Variants in HAAO observed in about 807,000 individuals in gnomAD.
HAAO encodes the protein 3-hydroxyanthranilate oxygenase.
HAAO carries 49 observed loss-of-function variants against 46.2 expected under a neutral mutation model. The ratio of observed to expected loss-of-function variants is 1.06; its 90% CI spans 0.84 to 1.34. The LOEUF is 1.34. Among genes scored for constraint, HAAO ranks in the 40% most tolerant of loss-of-function variants. The pLI, the probability that HAAO is intolerant of heterozygous loss-of-function variation, is 0.00. For missense variants in HAAO, 408 were observed against 364.5 expected (o/e 1.12, Z -0.97); for synonymous variants, 157 against 145.2 (o/e 1.08, Z -0.58).
At chr2:42,767,969 C>A in intron 7 of HAAO, 41 bp from the exon 8 acceptor site, 1 of 1,571,036 alleles carries the variant, frequency 6.4e-7, no homozygotes, top group Non-Finnish European at 8.8e-7. Context: ...GCTTCTTGCC[C>A]CACATGGGAG....
At chr2:42,782,490 A>G (rs1286245850) in intron 4 of HAAO, among the ~76,000 whole-genome samples, 2 of 152,230 alleles carry the variant, frequency 1.3e-5, no homozygotes, top group Admixed American at 6.5e-5. Flanking sequence ...GAGACATCAG[A>G]CAAAACCTGG....
chr2:42,770,190 C>T lies in HAAO; in HGVS notation c.441-4G>A, dbSNP rs1173634453. Reference sequence around the variant, plus strand: ...GTACTGCTCAGAGCTGAAGAACCTGCAAGGACGAACAGGGAGGAGCAGGAG... The same window carrying T: ...GTACTGCTCAGAGCTGAAGAACCTGTAAGGACGAACAGGGAGGAGCAGGAG... On this transcript the variant is annotated splice_polypyrimidine_tract_variant and splice_region_variant and intron_variant, in intron 5 of 9. Transcript: ENST00000294973. 10 of 1,595,460 alleles carry T rather than the reference C, an allele frequency of 6.3e-6. No homozygotes were observed. The highest frequency in any genetic ancestry group is 8.5e-6 in the Non-Finnish European group (10 of 1,169,632).
chr2:42,769,777 C>T lies in HAAO; in HGVS notation c.566G>A (p.Ser189Asn). Residue 189 changes from serine (S) to asparagine (N), a missense_variant, in exon 7 of 10, where the codon AGC (serine) becomes AAC (asparagine). Ser to Asn is a conservative substitution (Grantham distance 46). Transcript: ENST00000294973. ...GCCTGCCTGCAGCTCCCTGTGGTGG[C>T]TGTCCAGCCAGGCATCCAGGGACAT... ...EPMSLDAWLD[S>N]HHRELQAGTP... 6.2e-7 allele frequency: 1 copy of T among 1,614,018 alleles called. No individual in the cohort carries two copies. The highest frequency in any genetic ancestry group is 8.5e-7 in the Non-Finnish European group (1 of 1,179,974).
At chr2:42,777,767 G>A (rs937297804) in intron 4 of HAAO, among the ~76,000 whole-genome samples, 27 of 151,358 alleles carry the variant, frequency 1.8e-4, no homozygotes, top group African/African-American at 6.6e-4. Context: ...TCATTATTTG[G>A]GTACTTTCCA....
rs185959909 is a variant in HAAO at position 42,789,129 on chromosome 2, T to A, written c.81-522A>T. On this transcript the variant is annotated intron_variant, in intron 1 of 9. Coordinates refer to ENST00000294973, the MANE Select transcript of HAAO (RefSeq NM_012205.3). ...GGTGTCAAGTCAGTGTGGCATGTGT[T>A]TATAAGCACAGGCCCTGGGGCATGT... is the stretch of plus-strand genomic sequence containing the variant. 3.4e-5 allele frequency: 6 copies of A among 176,158 alleles called. No homozygotes were observed. In the East Asian group the frequency reaches 8.2e-4, roughly 24 times the overall value. 10.9% of individuals were successfully genotyped at this position (176,158 alleles called of 1,614,324 possible).
At chr2:42,775,993 T>C (rs190996487) in intron 4 of HAAO, among the ~76,000 whole-genome samples, 1 of 151,846 alleles carries the variant, frequency 6.6e-6, no homozygotes, top group African/African-American at 2.4e-5. Context: ...GAGTGTGGTT[T>C]AGATACTTAG....
rs1672177423 is a variant in HAAO, at chr2:42,783,703, C to T, written c.243+81G>A. On this transcript the variant is annotated intron_variant, in intron 3 of 9. Coordinates refer to ENST00000294973, the MANE Select transcript of HAAO (RefSeq NM_012205.3). ...AAAGGTAGGGAGGACAAGACCTCAG[C>T]CAGGGCCAGGATGAGTGGACAGGGC... The T allele has an allele frequency of 1.6e-6, 2 of 1,242,124 alleles. 1 individual carries two copies. Among genetic ancestry groups the T allele is most frequent in the Non-Finnish European group, 2.3e-6 (2 of 864,100 alleles). The allele number at this position is 1,242,124 out of a possible 1,614,324, so 76.9% of individuals were successfully genotyped here.
At chr2:42,783,460 C>G (rs1672159408) in intron 3 of HAAO, 40 bp from the exon 4 acceptor site, 1 of 1,307,808 alleles carries the variant, frequency 7.6e-7, no homozygotes, top group African/African-American at 1.5e-5. Flanking sequence ...AGGCTGCAAT[C>G]CCTCATGGAG....
chr2:42,791,066 G>A (rs1487600028), intron 1 of HAAO, among the ~76,000 whole-genome samples: 7 of 152,060 alleles, frequency 4.6e-5, no homozygotes, highest in Non-Finnish European at 8.8e-5. Flanking sequence ...AAGTCCTAAC[G>A]CCCAGTACTG....
intron 2 of HAAO, among the ~76,000 whole-genome samples, chr2:42,787,591 T>C (rs1397991857): frequency 6.6e-6 from 1 of 152,162 alleles, no homozygotes; most frequent in African/African-American, 2.4e-5. Context: ...CCACACAGCC[T>C]TGGGTGTCCC....
In HAAO at chr2:42,770,176, A is replaced by G. The variant is rs372925453; in HGVS notation, c.451T>C (p.Ser151Pro). Residue 151 changes from serine to proline, a missense_variant, in exon 6 of 10, where the codon TCT (serine) becomes CCT (proline). By Grantham distance (74) the Ser-to-Pro change is moderately conservative (BLOSUM62 -1). Transcript: ENST00000294973. ...GGCTTTCCTGTTCTGTACTGCTCAG[A>G]GCTGAAGAACCTGCAAGGACGAACA... ...LAPIIQEFFS[S>P]EQYRTGKPIP... The G allele has an allele frequency of 1.6e-5, 26 of 1,601,048 alleles. No individual in the cohort carries two copies. Among genetic ancestry groups the G allele is most frequent in the Non-Finnish European group, 2.1e-5 (25 of 1,172,728 alleles).
rs146866190 is a variant in HAAO, at chr2:42,780,720, T to G, written c.350+2594A>C. On this transcript the variant is annotated intron_variant, in intron 4 of 9. Transcript: ENST00000294973. ...TGCTGATCCTTTGTTTTATTTTGTTTTTTTTCAGAGTCAAGGAAACTTTTT... is the reference window on the plus strand; with the variant it reads ...TGCTGATCCTTTGTTTTATTTTGTTGTTTTTCAGAGTCAAGGAAACTTTTT... 7.8e-3 allele frequency among the ~76,000 whole-genome samples: 1,179 copies of G among 152,118 alleles called. 18 individuals are homozygous for G. Among genetic ancestry groups the G allele is most frequent in the African/African-American group, 0.027 (1,140 of 41,496 alleles).
At chr2:42,789,455 A>C (rs2011388) in intron 1 of HAAO, among the ~76,000 whole-genome samples, 121,395 of 152,034 alleles carry the variant, frequency 0.8, 48,825 homozygotes, top group Middle Eastern at 0.93. Flanking sequence ...CTGTAATCCC[A>C]GCTACCTGGG....
At position 42,767,295 on chromosome 2, in the gene HAAO, T is replaced by G. The variant is rs1573889477; in HGVS notation, c.*142A>C. ...ATCTGGGCTGAGAAGGGCAGGAGGG[T>G]GGGTGACAACAATGTGCAGGTCTGT... On this transcript the variant is annotated 3_prime_UTR_variant, in exon 10 of 10. Coordinates refer to ENST00000294973, the MANE Select transcript of HAAO (RefSeq NM_012205.3). 3 of 669,438 alleles carry G rather than the reference T, an allele frequency of 4.5e-6. No individual in the cohort carries two copies. The highest frequency in any genetic ancestry group is 3.4e-5 in the South Asian group (2 of 59,074). 41.5% of individuals were successfully genotyped at this position (669,438 alleles called of 1,614,324 possible).
chr2:42,784,437 G>A (rs1672242518), intron 2 of HAAO, among the ~76,000 whole-genome samples: 1 of 150,736 alleles, frequency 6.6e-6, no homozygotes, highest in African/African-American at 2.4e-5. Context: ...AAGGGGTGGG[G>A]CTGTGGAGGT....
chr2:42,786,009 C>CTGTGTGTGTGTG (rs10606385), intron 2 of HAAO, among the ~76,000 whole-genome samples: 33 of 106,152 alleles, frequency 3.1e-4, no homozygotes, highest in East Asian at 5.8e-4. Flanking sequence ...GAGGAAGCCT[C>CTGTGTGTGTGTG]TGTGTGTGTG....
At chr2:42,787,042 C>T (rs963429052) in intron 2 of HAAO, among the ~76,000 whole-genome samples, 4 of 152,172 alleles carry the variant, frequency 2.6e-5, no homozygotes, top group Admixed American at 2.0e-4. Flanking sequence ...GCCACCAAAA[C>T]CTCAGCAGGG....
At chr2:42,768,419 TTAATG>T (rs1670834309) in intron 7 of HAAO, among the ~76,000 whole-genome samples, 1 of 152,262 alleles carries the variant, frequency 6.6e-6, no homozygotes, top group Admixed American at 6.5e-5. Context: ...TGCATATTCA[TTAATG>T]TAAACTGAAG....
At chr2:42,787,811 C>G (rs981940423) in intron 2 of HAAO, among the ~76,000 whole-genome samples, 5 of 152,162 alleles carry the variant, frequency 3.3e-5, no homozygotes, top group Admixed American at 6.5e-5. Flanking sequence ...GATTCTGTGT[C>G]TCTCCTTAAG....
Sources: allele counts gnomAD v4.1 joint callset (sites outside exome capture counted in the v4.1 genomes callset), GRCh38; gene constraint gnomAD v4.1.1; transcripts MANE v1.5; gene names NCBI Gene and HGNC (gene_info 2026-07-23, HGNC 2026-07-21).